The following FRY variants were observed in gnomAD, a reference collection of about 807,000 sequenced individuals.
FRY encodes protein furry homolog.
A neutral mutation model predicts 348.4 loss-of-function variants in FRY; 128 were observed. The observed-to-expected ratio is 0.37, with a 90% CI of 0.32 to 0.43. The LOEUF (loss-of-function observed/expected upper bound fraction) is 0.43, where lower values mean the gene tolerates loss of function less well. FRY is among the 20% of genes least tolerant of loss of function. The pLI, the probability that FRY is intolerant of heterozygous loss-of-function variation, is 1.00. For missense variants in FRY, 2,736 were observed against 3,695.2 expected (o/e 0.74, Z 6.73); for synonymous variants, 1,370 against 1,374.7 (o/e 1.00, Z 0.08).
chr13:32,251,938 A>G lies in FRY; in HGVS notation c.7231A>G (p.Ser2411Gly). 6.2e-7 allele frequency: 1 copy of G among 1,608,482 alleles called. No individual in the cohort carries two copies. Among genetic ancestry groups the G allele is most frequent in the Non-Finnish European group, 8.5e-7 (1 of 1,174,814 alleles). The change falls in exon 50 of 61, where the codon AGC becomes GGC. Residue 2411 changes from serine to glycine, a missense_variant. Ser to Gly is a moderately conservative substitution (Grantham distance 56). This residue lies in a region of FRY where 789 missense variants were observed against 996.2 expected (regional missense o/e 0.79). Transcript: ENST00000542859. ...TCTGTGTGGCCAAGAAGTAGGATTGAGCAAAAATCCATCAGTAAGTTCTGT... is the reference window on the plus strand; with the variant it reads ...TCTGTGTGGCCAAGAAGTAGGATTGGGCAAAAATCCATCAGTAAGTTCTGT... ...LSLCGQEVGL[S>G]KNPSVIFSSC...
chr13:32,178,195 C>G lies in FRY; in HGVS notation c.2440C>G (p.His814Asp). 1 of 1,614,178 alleles carries G rather than the reference C, an allele frequency of 6.2e-7. No individual in the cohort carries two copies. Among genetic ancestry groups the G allele is most frequent in the Non-Finnish European group, 8.5e-7 (1 of 1,179,994 alleles). Residue 814 changes from histidine (H) to aspartate (D), a missense_variant, in exon 21 of 61, where the codon CAC becomes GAC. His to Asp is a moderately conservative substitution (Grantham distance 81). Transcript: ENST00000542859. ...VSDSATLPLT[H>D]NVDLQWLVEW... is the part of the protein sequence containing the mutation. Reference sequence around the variant, plus strand: ...CCTACAGGCAACATTACCACTCACCCACAATGTGGATCTGCAGTGGTTGGT... The same window carrying G: ...CCTACAGGCAACATTACCACTCACCGACAATGTGGATCTGCAGTGGTTGGT...
intron 1 of FRY, among the ~76,000 whole-genome samples, chr13:32,040,058 A>G (rs1367035712): frequency 3.3e-5 from 5 of 152,224 alleles, no homozygotes; most frequent in Admixed American, 6.5e-5. Context: ...AATTTTTCCT[A>G]TGCTTAAGAA....
intron 17 of FRY, among the ~76,000 whole-genome samples, chr13:32,168,517 A>G (rs11840572): frequency 2.9e-4 from 44 of 152,354 alleles, no homozygotes; most frequent in Middle Eastern, 3.4e-3. Context: ...CTTTTGTTGG[A>G]AAAAAAGATA....
intron 51 of FRY, among the ~76,000 whole-genome samples, chr13:32,255,034 T>G (rs1359651712): frequency 6.6e-6 from 1 of 152,200 alleles, no homozygotes; most frequent in Non-Finnish European, 1.5e-5. Flanking sequence ...TACTTTCAGC[T>G]ATGAATCATG....
chr13:32,210,964 C>G lies in FRY; in HGVS notation c.4521C>G (p.Ile1507Met). 1 of 1,613,964 alleles carries G rather than the reference C, an allele frequency of 6.2e-7. No individual in the cohort carries two copies. The highest frequency in any genetic ancestry group is 8.5e-7 in the Non-Finnish European group (1 of 1,179,846). The change falls in exon 34 of 61, where the codon ATC (isoleucine) becomes ATG (methionine). Residue 1507 changes from isoleucine to methionine, a missense_variant. By Grantham distance (10) the Ile-to-Met change is conservative. Transcript: ENST00000542859. ...AGCAGACAGAGCCCGTGAACCCCATCGTCCAGCATTGTGACAACCCGCCCT... is the reference window on the plus strand; with the variant it reads ...AGCAGACAGAGCCCGTGAACCCCATGGTCCAGCATTGTGACAACCCGCCCT... The part of the protein sequence containing the change: ...ELQQTEPVNP[I>M]VQHCDNPPFY...
chr13:32,135,854 T>A (rs1011432707), intron 10 of FRY, among the ~76,000 whole-genome samples: 1 of 152,200 alleles, frequency 6.6e-6, no homozygotes, highest in African/African-American at 2.4e-5. Flanking sequence ...AGGATGAGCA[T>A]CCCTACCATG....
At chr13:32,231,086 A>G in intron 40 of FRY, 93 bp from the exon 41 acceptor site, 1 of 1,083,136 alleles carries the variant, frequency 9.2e-7, no homozygotes, top group South Asian at 1.5e-5. Flanking sequence ...AAAAATTTAA[A>G]TATGTTATAT....
chr13:32,104,164 G>A (rs1877378763), intron 3 of FRY, among the ~76,000 whole-genome samples: 1 of 152,022 alleles, frequency 6.6e-6, no homozygotes, highest in South Asian at 2.1e-4. Context: ...AAATAACTAG[G>A]CTTAAACACA....
At chr13:32,221,569 A>G (rs1277470382) in intron 36 of FRY, among the ~76,000 whole-genome samples, 1 of 152,180 alleles carries the variant, frequency 6.6e-6, no homozygotes, top group African/African-American at 2.4e-5. Context: ...CTATAGTGCA[A>G]TGTCACGATC....
At chr13:32,128,793 G>A (rs1209586052) in intron 7 of FRY, among the ~76,000 whole-genome samples, 4 of 152,208 alleles carry the variant, frequency 2.6e-5, no homozygotes, top group African/African-American at 9.7e-5. Context: ...GTCTACACCA[G>A]TGTTTCTCAA....
chr13:32,274,962 T>C lies in FRY; in HGVS notation c.8257T>C (p.Cys2753Arg), dbSNP rs1460951464. 1.9e-6 allele frequency: 3 copies of C among 1,613,982 alleles called. No homozygotes were observed. The highest frequency in any genetic ancestry group is 1.3e-5 in the African/African-American group (1 of 75,028). Reference protein sequence around the residue: ...SSQMLTSCSECPTLFVDAETL... With the variant: ...SSQMLTSCSERPTLFVDAETL... ...CCAGATGCTCACCTCCTGCTCTGAA[T>C]GTCCTACACTTTTTGTGGATGCCGA... Residue 2753 changes from cysteine (C) to arginine (R), a missense_variant, in exon 56 of 61, where the codon TGT becomes CGT. By Grantham distance (180) the Cys-to-Arg change is radical (BLOSUM62 -3). Transcript: ENST00000542859.
Position 32,078,832 on chromosome 13 carries a change from A to G in FRY, c.71-2A>G. 1 of 1,612,728 alleles carries G rather than the reference A, an allele frequency of 6.2e-7. No homozygotes were observed. Among genetic ancestry groups the G allele is most frequent in the Non-Finnish European group, 8.5e-7 (1 of 1,178,776 alleles). On this transcript the variant is annotated splice_acceptor_variant, in intron 1 of 60. Coordinates refer to ENST00000542859, the MANE Select transcript of FRY (RefSeq NM_023037.3). LOFTEE classifies it high-confidence loss of function. ...AGTAAGAATGCCCATTCTGTTTTTC[A>G]GCTTCTCCCGTTGGCAACGGTTACA...
chr13:32,068,803 A>C (rs1044712404), intron 1 of FRY, among the ~76,000 whole-genome samples: 6 of 152,186 alleles, frequency 3.9e-5, no homozygotes, highest in Non-Finnish European at 1.5e-5. Flanking sequence ...AGGCAGTTAA[A>C]ATTTATATCA....
At chr13:32,281,988 AT>A (rs1184420250) in intron 58 of FRY, among the ~76,000 whole-genome samples, 1 of 152,176 alleles carries the variant, frequency 6.6e-6, no homozygotes, top group Non-Finnish European at 1.5e-5. Flanking sequence ...CTCGGTTCCC[AT>A]CATAGGTTAA....
At chr13:32,071,204 T>G (rs2138496123) in intron 1 of FRY, among the ~76,000 whole-genome samples, 1 of 152,352 alleles carries the variant, frequency 6.6e-6, no homozygotes, top group East Asian at 1.9e-4. Context: ...GACTCTTTTT[T>G]GGTTTCATAT....
Position 32,237,497 on chromosome 13 carries a change from C to A in FRY, c.5929C>A (p.Arg1977=). The A allele has an allele frequency of 6.2e-7, 1 of 1,614,138 alleles. No individual in the cohort carries two copies. The highest frequency in any genetic ancestry group is 8.5e-7 in the Non-Finnish European group (1 of 1,180,026). The change falls in exon 44 of 61, where the codon CGG becomes AGG. Residue 1977 remains arginine (R), a synonymous_variant. Transcript: ENST00000542859. This position sits in a 1 kb window ranked among gnomAD's most constrained non-coding sequence, Gnocchi z 6.3. ...CAACACCGCAACTGCCGAACGGAGC[C>A]GGCATCAACGAAGCTTCTCTGTGCC... The part of the protein sequence containing the change: ...SGNTATAERS[R]HQRSFSVPKK...
chr13:32,170,030 G>C (rs1296478349), intron 17 of FRY, among the ~76,000 whole-genome samples: 1 of 152,126 alleles, frequency 6.6e-6, no homozygotes, highest in Non-Finnish European at 1.5e-5. Flanking sequence ...AGCATCCCTA[G>C]CTTCTACCCA....
intron 3 of FRY, among the ~76,000 whole-genome samples, chr13:32,116,573 T>C (rs558888707): frequency 1.3e-3 from 205 of 152,302 alleles, no homozygotes; most frequent in African/African-American, 4.8e-3. Flanking sequence ...TTATCCTATG[T>C]TTTCTTGGAG....
chr13:32,147,931 TC>T lies in FRY; in HGVS notation c.1378del (p.Gln460SerfsTer8). On this transcript the variant is annotated frameshift_variant, in exon 13 of 61. Transcript: ENST00000542859. LOFTEE classifies it high-confidence loss of function. ...DMPLNIFVKI[I>X]QFIAQERLDF... ...CCTCTGAACATCTTTGTGAAAATCATCCAGTTCATTGCCCAGGTAATGGAGA... is the reference window on the plus strand; with the variant it reads ...CCTCTGAACATCTTTGTGAAAATCATCAGTTCATTGCCCAGGTAATGGAGA... 1 of 1,587,246 alleles carries T rather than the reference TC, an allele frequency of 6.3e-7. No homozygotes were observed. The highest frequency in any genetic ancestry group is 8.7e-7 in the Non-Finnish European group (1 of 1,155,374).
Sources: allele counts gnomAD v4.1 joint callset (sites outside exome capture counted in the v4.1 genomes callset), GRCh38; gene constraint gnomAD v4.1.1; regional missense constraint gnomAD v4.1.1; non-coding constraint Gnocchi (gnomAD v3.1); transcripts MANE v1.5; gene names NCBI Gene and HGNC (gene_info 2026-07-23, HGNC 2026-07-21).